Variants in ZFAT observed in about 807,000 individuals in gnomAD.
The protein encoded by ZFAT is zinc finger protein ZFAT.
In ZFAT, 64 loss-of-function variants were observed where a neutral mutation model predicts 117.7. That is an observed-to-expected ratio of 0.54 (90% CI 0.44 to 0.67). The LOEUF is 0.67. Ranked by LOEUF, ZFAT falls within the 30% of genes least tolerant of loss-of-function variation. The pLI is 0.00. For missense variants in ZFAT, 1,433 were observed against 1,584.5 expected (o/e 0.90, Z 1.62); for synonymous variants, 679 against 615.0 (o/e 1.10, Z -1.54).
chr8:134,693,412 G>T (rs1386842131), intron 1 of ZFAT, among the ~76,000 whole-genome samples: 1 of 152,100 alleles, frequency 6.6e-6, no homozygotes, highest in African/African-American at 2.4e-5. Flanking sequence ...ACTAAAATAA[G>T]CATTCCTGAG....
the ZFAT span, among the ~76,000 whole-genome samples, chr8:134,800,037 G>A: frequency 4.6e-5 from 7 of 152,066 alleles, no homozygotes; most frequent in South Asian, 2.1e-4. Flanking sequence ...TCCAAATCCC[G>A]TAGCAAATTC....
At chr8:134,805,113 G>A in the ZFAT span, among the ~76,000 whole-genome samples, 2 of 152,304 alleles carry the variant, frequency 1.3e-5, no homozygotes, top group East Asian at 3.9e-4. Flanking sequence ...GGTTCACCAA[G>A]TGCAATTTCT....
chr8:134,586,909 T>C (rs1464323163), intron 9 of ZFAT, among the ~76,000 whole-genome samples: 1 of 152,234 alleles, frequency 6.6e-6, no homozygotes, highest in Non-Finnish European at 1.5e-5. Context: ...CTCATTTTCC[T>C]CATTGGTAAA....
intron 1 of ZFAT, among the ~76,000 whole-genome samples, chr8:134,695,812 C>A (rs1833806733): frequency 6.8e-6 from 1 of 146,136 alleles, no homozygotes; most frequent in African/African-American, 2.5e-5. Context: ...CCCCCCAGGC[C>A]CTGACTGCGT....
At chr8:134,686,259 A>G (rs1033133774) in intron 1 of ZFAT, among the ~76,000 whole-genome samples, 5 of 152,192 alleles carry the variant, frequency 3.3e-5, no homozygotes, top group Admixed American at 6.5e-5. Context: ...GGAGAGGAAT[A>G]AGCCTAACCC....
intron 1 of ZFAT, among the ~76,000 whole-genome samples, chr8:134,673,992 G>T (rs1003650650): frequency 6.6e-6 from 1 of 152,182 alleles, no homozygotes; most frequent in Admixed American, 6.5e-5. Flanking sequence ...TGGCCGAATA[G>T]GAACAGCTTT....
intron 1 of ZFAT, among the ~76,000 whole-genome samples, chr8:134,691,587 A>G (rs1321055490): frequency 6.6e-6 from 1 of 152,228 alleles, no homozygotes; most frequent in East Asian, 1.9e-4. Flanking sequence ...TTATTAATTC[A>G]GGAACTTCAT....
At chr8:134,616,106 T>C (rs2130997056) in intron 3 of ZFAT, among the ~76,000 whole-genome samples, 1 of 152,064 alleles carries the variant, frequency 6.6e-6, no homozygotes, top group East Asian at 1.9e-4. Flanking sequence ...CAAAAGCAGG[T>C]GTTTCATGGA....
intron 15 of ZFAT, among the ~76,000 whole-genome samples, chr8:134,481,856 G>A (rs1817331408): frequency 6.6e-6 from 1 of 152,204 alleles, no homozygotes. Context: ...GGCCACAGAG[G>A]GTCTGTGGTG....
the ZFAT span, among the ~76,000 whole-genome samples, chr8:134,748,587 C>T: frequency 6.6e-6 from 1 of 152,104 alleles, no homozygotes; most frequent in Non-Finnish European, 1.5e-5. Context: ...AGTGAATGTA[C>T]GTATGAGTAT....
At chr8:134,482,160 G>C (rs1817356238) in intron 15 of ZFAT, among the ~76,000 whole-genome samples, 1 of 152,108 alleles carries the variant, frequency 6.6e-6, no homozygotes, top group Admixed American at 6.6e-5. Flanking sequence ...CTCCCACCTT[G>C]ACTTCTTCTC....
intron 9 of ZFAT, among the ~76,000 whole-genome samples, chr8:134,584,351 C>T (rs1475908732): frequency 6.6e-6 from 1 of 152,226 alleles, no homozygotes; most frequent in African/African-American, 2.4e-5. Flanking sequence ...GTTCACTGCA[C>T]ATTACAGTGA....
the ZFAT span, among the ~76,000 whole-genome samples, chr8:134,749,470 G>A: frequency 0.34 from 52,021 of 152,040 alleles, 9,369 homozygotes; most frequent in Admixed American, 0.43. Flanking sequence ...GAAGGGGCAA[G>A]GGAGCTCAAG....
At chr8:134,691,474 C>T (rs528891809) in intron 1 of ZFAT, among the ~76,000 whole-genome samples, 12 of 152,342 alleles carry the variant, frequency 7.9e-5, no homozygotes, top group South Asian at 4.1e-4. Context: ...AAAAGACAAA[C>T]GAGAACTCTG....
intron 1 of ZFAT, among the ~76,000 whole-genome samples, chr8:134,705,964 A>G (rs1834141227): frequency 6.6e-6 from 1 of 152,228 alleles, no homozygotes; most frequent in African/African-American, 2.4e-5. Flanking sequence ...TAAGGGAGAT[A>G]CCACTGCATA....
At chr8:134,653,209 T>A (rs1235344788) in intron 2 of ZFAT, among the ~76,000 whole-genome samples, 1 of 139,512 alleles carries the variant, frequency 7.2e-6, no homozygotes, top group Non-Finnish European at 1.5e-5. Flanking sequence ...AGGGTACATG[T>A]GCACAACGTG....
intron 11 of ZFAT, among the ~76,000 whole-genome samples, chr8:134,534,204 TA>T (rs1821645704): frequency 6.6e-6 from 1 of 152,204 alleles, no homozygotes; most frequent in Non-Finnish European, 1.5e-5. Context: ...TTGTGAGAAT[TA>T]AATGGTATCA....
At chr8:134,754,398 TA>T in the ZFAT span, among the ~76,000 whole-genome samples, 12 of 152,262 alleles carry the variant, frequency 7.9e-5, no homozygotes, top group African/African-American at 2.9e-4. Context: ...CAGAGCTGGA[TA>T]AGGGGACCAA....
At position 134,601,795 on chromosome 8, in the gene ZFAT, C is replaced by T. The variant is rs1190959780; in HGVS notation, c.1924G>A (p.Gly642Arg). ...GCGCCATGGCTTTCCTGATCTGACC[C>T]AGCACTCTGGGCCTTGGACAGCAGT... ...TLLLSKAQSA[G>R]SDQESHGAQS... is the part of the protein sequence containing the mutation. Residue 642 changes from glycine to arginine, a missense_variant, in exon 6 of 16, where the codon GGG (glycine) becomes AGG (arginine). By Grantham distance (125) the Gly-to-Arg change is moderately radical. Transcript: ENST00000377838. The T allele has an allele frequency of 1.9e-6, 3 of 1,613,942 alleles. No individual in the cohort carries two copies.
Sources: allele counts gnomAD v4.1 joint callset (sites outside exome capture counted in the v4.1 genomes callset), GRCh38; gene constraint gnomAD v4.1.1; transcripts MANE v1.5; gene names NCBI Gene and HGNC (gene_info 2026-07-23, HGNC 2026-07-21).